Variants in GALNT8 observed in about 807,000 individuals in gnomAD.
GALNT8 encodes the protein polypeptide N-acetylgalactosaminyltransferase 8.
A neutral mutation model predicts 62.7 loss-of-function variants in GALNT8; 66 were observed. The observed-to-expected ratio is 1.05, with a 90% confidence interval of 0.86 to 1.29. The LOEUF (loss-of-function observed/expected upper bound fraction) is 1.29. GALNT8 is among the 50% of genes most tolerant of loss of function. The pLI is 0.00. For missense variants in GALNT8, 771 were observed against 791.8 expected, an observed-to-expected ratio of 0.97 and a Z score of 0.32; for synonymous variants, 288 against 294.3, an observed-to-expected ratio of 0.98 and a Z score of 0.22.
intron 10 of GALNT8, among the ~76,000 whole-genome samples, chr12:4,770,136 T>C (rs1288811168): frequency 6.6e-6 from 1 of 151,874 alleles, no homozygotes; most frequent in East Asian, 1.9e-4. Flanking sequence ...ATCCTGTCTC[T>C]ACTAAAAATA....
chr12:4,735,517 C>T (rs1946240642), intron 2 of GALNT8, among the ~76,000 whole-genome samples: 1 of 152,302 alleles, frequency 6.6e-6, no homozygotes, highest in East Asian at 1.9e-4. Flanking sequence ...CCTTCTCCTT[C>T]CTCCACTAGG....
chr12:4,741,509 G>C (rs1208651123), intron 3 of GALNT8, among the ~76,000 whole-genome samples: 1 of 151,964 alleles, frequency 6.6e-6, no homozygotes, highest in Admixed American at 6.6e-5. Context: ...CACCTCTTTG[G>C]GACTCAGGGT....
In GALNT8 at chr12:4,739,262, T is replaced by A. The variant is rs1478300235; in HGVS notation, c.609T>A (p.Ser203Arg). 3.1e-6 allele frequency: 5 copies of A among 1,613,610 alleles called. No individual in the cohort carries two copies. Among genetic ancestry groups the A allele is most frequent in the Non-Finnish European group, 4.2e-6 (5 of 1,179,520 alleles). ...ALSIIQRAIT[S>R]IINRTPSRLL... Reference sequence around the variant, plus strand: ...CCATTATACAACGGGCCATCACCAGTATCATCAACCGGACGCCCTCTCGAT... The same window carrying A: ...CCATTATACAACGGGCCATCACCAGAATCATCAACCGGACGCCCTCTCGAT... Residue 203 changes from serine to arginine, a missense_variant, in exon 3 of 11, where the codon AGT becomes AGA. Coordinates refer to ENST00000252318, the MANE Select transcript of GALNT8 (RefSeq NM_017417.2).
intron 9 of GALNT8, among the ~76,000 whole-genome samples, 182 bp downstream of exon 9, chr12:4,764,229 C>T (rs1204565022): frequency 6.6e-5 from 10 of 152,190 alleles, no homozygotes; most frequent in Admixed American, 2.0e-4. Flanking sequence ...TTCAGAAAGC[C>T]GTGGCAACGT....
At chr12:4,747,982 A>G (rs1263024218) in intron 6 of GALNT8, among the ~76,000 whole-genome samples, 1 of 152,158 alleles carries the variant, frequency 6.6e-6, no homozygotes, top group Non-Finnish European at 1.5e-5. Context: ...GATGTTGAGT[A>G]TCTTTTCACA....
At chr12:4,720,988 C>T (rs778755330) in intron 1 of GALNT8, 100 bp downstream of exon 1, 4 of 721,714 alleles carry the variant, frequency 5.5e-6, no homozygotes, top group Non-Finnish European at 1.0e-5. Flanking sequence ...TGAGAGGTCA[C>T]ATTTTCATCT....
chr12:4,755,454 C>G (rs918823839), intron 6 of GALNT8, among the ~76,000 whole-genome samples: 1 of 152,228 alleles, frequency 6.6e-6, no homozygotes, highest in African/African-American at 2.4e-5. Context: ...CACCATGCTG[C>G]AGCTACTGGG....
At chr12:4,743,844 C>T (rs1462893206) in intron 3 of GALNT8, among the ~76,000 whole-genome samples, 1 of 152,142 alleles carries the variant, frequency 6.6e-6, no homozygotes, top group South Asian at 2.1e-4. Context: ...GATTTGCCTG[C>T]AAGTGGTTTA....
At chr12:4,742,037 G>T (rs984650331) in intron 3 of GALNT8, among the ~76,000 whole-genome samples, 1 of 152,182 alleles carries the variant, frequency 6.6e-6, no homozygotes. Context: ...GAATTTGGGG[G>T]CAAGTGACTC....
chr12:4,722,900 A>G (rs1380701276), intron 1 of GALNT8, among the ~76,000 whole-genome samples: 3 of 152,008 alleles, frequency 2.0e-5, no homozygotes, highest in Non-Finnish European at 4.4e-5. Context: ...AGAGAGGAGA[A>G]AAGAGCTGGG....
At chr12:4,763,664 T>C (rs1431513150) in intron 8 of GALNT8, among the ~76,000 whole-genome samples, 1 of 135,334 alleles carries the variant, frequency 7.4e-6, no homozygotes. Flanking sequence ...GCTGCAGCGA[T>C]TGGCCTTGTC....
intron 3 of GALNT8, among the ~76,000 whole-genome samples, chr12:4,743,477 T>G (rs1436486966): frequency 1.3e-5 from 2 of 152,218 alleles, no homozygotes; most frequent in African/African-American, 4.8e-5. Context: ...TTGATCACTC[T>G]AGGTCTCACA....
At chr12:4,735,426 T>C (rs757511700) in intron 2 of GALNT8, among the ~76,000 whole-genome samples, 9 of 152,136 alleles carry the variant, frequency 5.9e-5, no homozygotes, top group Non-Finnish European at 1.3e-4. Context: ...GGTCAAGAAG[T>C]GGGCTCCCTG....
chr12:4,771,813 T>C (rs917210380), intron 10 of GALNT8, among the ~76,000 whole-genome samples: 7 of 151,952 alleles, frequency 4.6e-5, no homozygotes, highest in Admixed American at 6.6e-5. Context: ...TGCTGAGATA[T>C]GAAGATAAGG....
At chr12:4,755,361 T>C (rs1946339931) in intron 6 of GALNT8, among the ~76,000 whole-genome samples, 1 of 152,170 alleles carries the variant, frequency 6.6e-6, no homozygotes, top group South Asian at 2.1e-4. Flanking sequence ...CAGTTTTCCT[T>C]TCTGCTCTAA....
chr12:4,745,381 T>C lies in GALNT8; in HGVS notation c.861-48T>C, dbSNP rs772957086. On this transcript the variant is annotated intron_variant, in intron 4 of 10. Transcript: ENST00000252318. ...AACAGCTTTATCTGCTCTCCCCTAC[T>C]GCTTGTCCTCATATCCAAGCTGGGC... The C allele has an allele frequency of 3.3e-6, 4 of 1,205,080 alleles. No homozygotes were observed. In the South Asian group the frequency reaches 4.8e-5, roughly 15 times the overall value. The allele number at this position is 1,205,080 out of a possible 1,614,324, so 74.6% of individuals were successfully genotyped here.
Position 4,732,593 on chromosome 12 carries a change from A to G in GALNT8, c.509+5764A>G, listed in dbSNP as rs12314307. Among the ~76,000 whole-genome samples, 98 of 82,514 alleles carry G rather than the reference A, an allele frequency of 1.2e-3. 1 individual carries two copies. The highest frequency in any genetic ancestry group is 1.5e-3 in the Non-Finnish European group (56 of 38,238). The allele number at this position is 82,514 out of a possible 152,430, so 54.1% of individuals were successfully genotyped here. A position where few individuals can be genotyped will look rare whatever the true frequency, so the allele number is the denominator to read the frequency against. On this transcript the variant is annotated intron_variant, in intron 2 of 10. Coordinates refer to ENST00000252318, the MANE Select transcript of GALNT8 (RefSeq NM_017417.2). ...TCAGTATCTTCTGCTGCACTGTTCA[A>G]TATGATAGCTACTAGTCACACATGG... is the stretch of plus-strand genomic sequence containing the variant.
intron 6 of GALNT8, among the ~76,000 whole-genome samples, chr12:4,753,183 T>C (rs1254819649): frequency 6.6e-6 from 1 of 152,228 alleles, no homozygotes; most frequent in Admixed American, 6.5e-5. Context: ...TGTAACATTC[T>C]TGTACTTGGA....
intron 2 of GALNT8, among the ~76,000 whole-genome samples, chr12:4,736,412 T>C (rs1946244988): frequency 6.6e-6 from 1 of 152,062 alleles, no homozygotes; most frequent in African/African-American, 2.4e-5. Context: ...AAATCCAAGC[T>C]ACCAGTATGT....
Sources: allele counts gnomAD v4.1 joint callset (sites outside exome capture counted in the v4.1 genomes callset), GRCh38; gene constraint gnomAD v4.1.1; transcripts MANE v1.5; gene names NCBI Gene and HGNC (gene_info 2026-07-23, HGNC 2026-07-21).